The following VWCE variants were observed in gnomAD, a reference collection of about 807,000 sequenced individuals.
VWCE encodes the protein von Willebrand factor C and EGF domains, also known as von Willebrand factor C and EGF domain-containing protein.
In VWCE, 68 loss-of-function variants were observed where a neutral mutation model predicts 102.9. The observed-to-expected ratio is 0.66, with a 90% CI of 0.54 to 0.81. The LOEUF is 0.81. Among genes scored for constraint, VWCE ranks in the 30% least tolerant of loss-of-function variants. VWCE has a pLI of 0.00. For synonymous variants in VWCE, 497 were observed against 515.4 expected (o/e 0.96, Z 0.48); for missense variants, 1,137 against 1,263.6 (o/e 0.90, Z 1.52).
intron 10 of VWCE, 69 bp from the exon 11 acceptor site, chr11:61,276,749 C>A (rs1188851497): frequency 1.2e-5 from 16 of 1,301,726 alleles, no homozygotes; most frequent in Non-Finnish European, 1.6e-5. Flanking sequence ...CATCTCACAG[C>A]AGGCCCTTCG....
At chr11:61,288,682 T>C (rs775791101) in intron 4 of VWCE, among the ~76,000 whole-genome samples, 1 of 152,152 alleles carries the variant, frequency 6.6e-6, no homozygotes, top group Non-Finnish European at 1.5e-5. Context: ...GTGAAAGGCA[T>C]TCAGGAGCAG....
chr11:61,264,695 G>A (rs1565216339), intron 18 of VWCE, 118 bp from the exon 19 acceptor site: 1 of 1,160,032 alleles, frequency 8.6e-7, no homozygotes, highest in Non-Finnish European at 1.2e-6. Context: ...CAGGACAGAG[G>A]CTGCAGTGCC....
At chr11:61,282,970 C>T in intron 5 of VWCE, 65 bp from the exon 6 acceptor site, 1 of 1,339,658 alleles carries the variant, frequency 7.5e-7, no homozygotes, top group South Asian at 1.2e-5. Context: ...TATATGGTCC[C>T]CTCTTCCTCC....
At chr11:61,280,501 G>A in intron 9 of VWCE, 123 bp downstream of exon 9, 1 of 974,110 alleles carries the variant, frequency 1.0e-6, no homozygotes, top group Non-Finnish European at 1.5e-6. Flanking sequence ...AGGGAAGTGT[G>A]GCTTAGTAAA....
chr11:61,259,000 G>A lies in VWCE; in HGVS notation c.2543C>T (p.Pro848Leu). The A allele has an allele frequency of 6.2e-7, 1 of 1,612,564 alleles. No individual in the cohort carries two copies. Among genetic ancestry groups the A allele is most frequent in the Non-Finnish European group, 8.5e-7 (1 of 1,179,262 alleles). Residue 848 changes from proline to leucine, a missense_variant, in exon 20 of 20, where the codon CCT becomes CTT. Transcript: ENST00000335613. ...PGASPRLSPG[P>L]STPPGAPTLP... ...AGTGGGGGCTCCTGGAGGGGTCGAA[G>A]GCCCTGGTGAGAGTCGAGGGGAGGC...
At position 61,281,181 on chromosome 11, in the gene VWCE, G is replaced by C. The variant is rs765630034; in HGVS notation, c.842C>G (p.Pro281Arg). 1.9e-6 allele frequency: 3 copies of C among 1,613,404 alleles called. No homozygotes were observed. Among genetic ancestry groups the C allele is most frequent in the South Asian group, 2.2e-5 (2 of 91,040 alleles). ...AGGAAGCAACAGAAGCATCTTGGACGGGTGTTGCCGGGGTTGCAGGATGGC... is the reference window on the plus strand; with the variant it reads ...AGGAAGCAACAGAAGCATCTTGGACCGGTGTTGCCGGGGTTGCAGGATGGC... ...PSAILQPRQH[P>R]SKMLLLLPEA... is the part of the protein sequence containing the mutation. The change falls in exon 8 of 20, where the codon CCG becomes CGG. Residue 281 changes from proline (P) to arginine (R), a missense_variant. Physicochemically the swap from Pro to Arg is moderately radical, Grantham distance 103. This residue lies in a region of VWCE where 575 missense variants were observed against 625.9 expected (regional missense o/e 0.92). Coordinates refer to ENST00000335613, the MANE Select transcript of VWCE (RefSeq NM_152718.2).
At chr11:61,264,225 C>CAAAAAAAAAA (rs547085588) in intron 19 of VWCE, among the ~76,000 whole-genome samples, 1 of 19,986 alleles carries the variant, frequency 5.0e-5, no homozygotes, top group Non-Finnish European at 1.5e-4. Flanking sequence ...GACTCAGTCT[C>CAAAAAAAAAA]AAAAAAAAAA....
intron 19 of VWCE, among the ~76,000 whole-genome samples, chr11:61,260,606 T>C (rs1854325515): frequency 6.6e-6 from 1 of 152,152 alleles, no homozygotes. Context: ...CAAAAATGCA[T>C]TTAATACAGC....
chr11:61,289,397 T>C (rs1192183765), intron 4 of VWCE, among the ~76,000 whole-genome samples: 1 of 151,924 alleles, frequency 6.6e-6, no homozygotes, highest in Non-Finnish European at 1.5e-5. Flanking sequence ...ATTACAGGCA[T>C]GTACCACTAC....
rs532349650 is a variant in VWCE at position 61,271,604 on chromosome 11, G to A, written c.1785+71C>T. 460 of 1,466,818 alleles carry A rather than the reference G, an allele frequency of 3.1e-4. 5 individuals carry two copies. The East Asian group carries it at 8.9e-3, about 28-fold the overall frequency. 90.9% of individuals were successfully genotyped at this position (1,466,818 alleles called of 1,614,324 possible). A position where few individuals can be genotyped will look rare whatever the true frequency, so the allele number is the denominator to read the frequency against. ...TGAGGCCAGCCTCTGGAGGGGCCAG[G>A]ACGCTTGTCTCCTCTGGGTGAGGCG... On this transcript the variant is annotated intron_variant, in intron 14 of 19. Coordinates refer to ENST00000335613, the MANE Select transcript of VWCE (RefSeq NM_152718.2).
chr11:61,291,830 G>T (rs1325761186), intron 1 of VWCE, among the ~76,000 whole-genome samples: 1 of 152,244 alleles, frequency 6.6e-6, no homozygotes, highest in Non-Finnish European at 1.5e-5. Context: ...AGAGTGGCCA[G>T]GAGAGGGGCC....
chr11:61,280,221 G>A lies in VWCE; in HGVS notation c.1324+403C>T, dbSNP rs368121946. Among the ~76,000 whole-genome samples the A allele has an allele frequency of 3.3e-5, 5 of 152,176 alleles. No homozygotes were observed. The East Asian group carries it at 9.6e-4, about 29-fold the overall frequency. ...GAAACAACTACTCCTCCGCCTGTAGGAGGGTAACTGGGCAGGAGAAGGGGA... is the reference window on the plus strand; with the variant it reads ...GAAACAACTACTCCTCCGCCTGTAGAAGGGTAACTGGGCAGGAGAAGGGGA... On this transcript the variant is annotated intron_variant, in intron 9 of 19. Transcript: ENST00000335613.
intron 6 of VWCE, chr11:61,282,400 G>T (rs771810371): frequency 4.5e-5 from 9 of 199,126 alleles, no homozygotes; most frequent in Non-Finnish European, 8.0e-5. Flanking sequence ...TCCCTTTCTG[G>T]AAATTTCTGC....
rs964117377 is a variant in VWCE at position 61,264,409 on chromosome 11, C to A, written c.2230+78G>T. On this transcript the variant is annotated intron_variant, in intron 19 of 19. Coordinates refer to ENST00000335613, the MANE Select transcript of VWCE (RefSeq NM_152718.2). ...TGGCTTTCTCTTATCCAGCCCTTTA[C>A]AAGTTCTATGTACCGGGGAAGAAAA... is the stretch of plus-strand genomic sequence containing the variant. 4.2e-6 allele frequency: 6 copies of A among 1,417,122 alleles called. No homozygotes were observed. The East Asian group carries it at 1.2e-4, about 29-fold the overall frequency. The allele number at this position is 1,417,122 out of a possible 1,614,324, so 87.8% of individuals were successfully genotyped here.
chr11:61,281,195 T>C lies in VWCE; in HGVS notation c.828A>G (p.Gln276=). 2.5e-6 allele frequency: 4 copies of C among 1,612,906 alleles called. No homozygotes were observed. Among genetic ancestry groups the C allele is most frequent in the Non-Finnish European group, 3.4e-6 (4 of 1,179,922 alleles). The change falls in exon 8 of 20, where the codon CAA becomes CAG. Residue 276 remains glutamine, a synonymous_variant. Coordinates refer to ENST00000335613, the MANE Select transcript of VWCE (RefSeq NM_152718.2). Reference sequence around the variant, plus strand: ...GCATCTTGGACGGGTGTTGCCGGGGTTGCAGGATGGCAGATGGGGCCAGCA... The same window carrying C: ...GCATCTTGGACGGGTGTTGCCGGGGCTGCAGGATGGCAGATGGGGCCAGCA... ...KAVLAPSAIL[Q]PRQHPSKMLL...
Position 61,286,362 on chromosome 11 carries a change from C to T in VWCE, c.493G>A (p.Glu165Lys), listed in dbSNP as rs753864831. The part of the protein sequence containing the change: ...CVNTEGGFVC[E>K]CGPGMQLSAD... ...GACAGCTGCATGCCCGGCCCACACT[C>T]GCACACAAACCCACCTTCTGTGTTC... is the stretch of plus-strand genomic sequence containing the variant. Residue 165 changes from glutamate (E) to lysine (K), a missense_variant, in exon 5 of 20, where the codon GAG (glutamate) becomes AAG (lysine). Coordinates refer to ENST00000335613, the MANE Select transcript of VWCE (RefSeq NM_152718.2). The T allele has an allele frequency of 2.3e-4, 371 of 1,612,184 alleles. 1 individual carries two copies. The East Asian group carries it at 7.2e-3, about 31-fold the overall frequency.
intron 11 of VWCE, among the ~76,000 whole-genome samples, chr11:61,274,992 G>A (rs1854858733): frequency 6.6e-6 from 1 of 152,138 alleles, no homozygotes; most frequent in African/African-American, 2.4e-5. Context: ...GAAACCAGGG[G>A]TTGAGGTTAT....
At chr11:61,292,233 A>G (rs1022870250) in intron 1 of VWCE, among the ~76,000 whole-genome samples, 5 of 149,518 alleles carry the variant, frequency 3.3e-5, no homozygotes, top group African/African-American at 1.0e-4. Context: ...AACAAAAAAA[A>G]AAAAAAGAGA....
chr11:61,282,716 GTCCCTGGGC>G, intron 6 of VWCE, 64 bp downstream of exon 6: 1 of 1,241,546 alleles, frequency 8.1e-7, no homozygotes, highest in Non-Finnish European at 1.2e-6. Flanking sequence ...ACCTTCCCGG[GTCCCTGGGC>G]TCCCTGTCCA....
Sources: allele counts gnomAD v4.1 joint callset (sites outside exome capture counted in the v4.1 genomes callset), GRCh38; gene constraint gnomAD v4.1.1; regional missense constraint gnomAD v4.1.1; transcripts MANE v1.5; gene names NCBI Gene and HGNC (gene_info 2026-07-23, HGNC 2026-07-21).